The following MATK variants were observed in gnomAD, a reference collection of about 807,000 sequenced individuals.
MATK encodes the protein megakaryocyte-associated tyrosine kinase.
MATK carries 41 observed loss-of-function variants against 59.8 expected under a neutral mutation model. The ratio of observed to expected loss-of-function variants is 0.69; its 90% CI spans 0.53 to 0.89. The LOEUF is 0.89. MATK is among the 40% of genes least tolerant of loss of function. The probability of loss-of-function intolerance (pLI) is 0.00; values close to 1 mark genes in which losing one functional copy is unlikely to be tolerated. For synonymous variants in MATK, 308 were observed against 306.1 expected, an observed-to-expected ratio of 1.01 and a Z score of -0.06; for missense variants, 593 against 719.6, an observed-to-expected ratio of 0.82 and a Z score of 2.01.
rs761530293 is a variant in MATK, at chr19:3,784,330, C to T, written c.246+8G>A. ...CCCAAGCACCCACACCCGCCGGCCA[C>T]CTCTCACCTCGCAGGCCTCCAGGAT... On this transcript the variant is annotated splice_region_variant and intron_variant, in intron 4 of 13. Transcript: ENST00000310132. The T allele has an allele frequency of 2.5e-6, 4 of 1,601,328 alleles. No individual in the cohort carries two copies. Among genetic ancestry groups the T allele is most frequent in the Middle Eastern group, 1.7e-4 (1 of 6,032 alleles).
chr19:3,794,155 C>T (rs995314164), intron 1 of MATK, among the ~76,000 whole-genome samples: 5 of 152,328 alleles, frequency 3.3e-5, no homozygotes, highest in Admixed American at 6.5e-5. Context: ...ACAGTGGTCA[C>T]CCTTAGTTAC....
intron 6 of MATK, 35 bp from the exon 7 acceptor site, chr19:3,783,254 C>CA (rs1568406546): frequency 8.0e-7 from 1 of 1,253,558 alleles, no homozygotes; most frequent in African/African-American, 1.8e-5. Flanking sequence ...AGCCCAGCCC[C>CA]AGGGAGGGGA....
At chr19:3,797,968 G>A (rs1038429406) in intron 1 of MATK, among the ~76,000 whole-genome samples, 23 of 152,146 alleles carry the variant, frequency 1.5e-4, no homozygotes, top group African/African-American at 5.3e-4. Context: ...CTTGAACCTG[G>A]GAGGTGAAGT....
In MATK at chr19:3,783,851, T is replaced by TCATCGATTGTGAGGTGGC; in HGVS notation, c.527_544dup (p.Gly176_Asp181dup). On this transcript the variant is annotated inframe_insertion, in exon 6 of 14. Coordinates refer to ENST00000310132, the MANE Select transcript of MATK (RefSeq NM_139355.3). The stretch of plus-strand genomic sequence containing the variant: ...CATGAGGTTGCAGAAGAACACGGCC[T>TCATCGATTGTGAGGTGGC]CATCGATTGTGAGGTGGCCGTCGCG... 1 of 1,613,042 alleles carries TCATCGATTGTGAGGTGGC rather than the reference T, an allele frequency of 6.2e-7. No individual in the cohort carries two copies. Among genetic ancestry groups the TCATCGATTGTGAGGTGGC allele is most frequent in the South Asian group, 1.1e-5 (1 of 91,048 alleles).
In MATK at chr19:3,785,612, C is replaced by A. The variant is rs1166095539; in HGVS notation, c.-151-326G>T. On this transcript the variant is annotated intron_variant, in intron 1 of 13. Coordinates refer to ENST00000310132, the MANE Select transcript of MATK (RefSeq NM_139355.3). Reference sequence around the variant, plus strand: ...AATCCTCCAGTCCCACGTGTACTCACACGCATACGGATGCATGCACACGCA... The same window carrying A: ...AATCCTCCAGTCCCACGTGTACTCAAACGCATACGGATGCATGCACACGCA... The A allele has an allele frequency of 1.5e-5, 3 of 201,906 alleles. No homozygotes were observed. In the South Asian group the frequency reaches 2.5e-4, roughly 17 times the overall value. 12.5% of individuals were successfully genotyped at this position (201,906 alleles called of 1,614,324 possible).
chr19:3,780,391 C>A (rs959151600), intron 8 of MATK, among the ~76,000 whole-genome samples: 1 of 152,086 alleles, frequency 6.6e-6, no homozygotes, highest in African/African-American at 2.4e-5. Flanking sequence ...TTGCAAGACC[C>A]TTCAGCTCAA....
upstream of MATK, among the ~76,000 whole-genome samples, chr19:3,790,180 C>G (rs1052817045): frequency 6.6e-6 from 1 of 152,200 alleles, no homozygotes; most frequent in Non-Finnish European, 1.5e-5. Context: ...CTCTAGGGCT[C>G]TTTCAGGCCC....
chr19:3,780,562 G>T (rs188327335), intron 8 of MATK, among the ~76,000 whole-genome samples: 3,234 of 149,908 alleles, frequency 0.022, 126 homozygotes, highest in African/African-American at 0.076. Context: ...AAGTAGCTGG[G>T]ACTACAGGCG....
chr19:3,791,746 T>C (rs1266394759), intron 1 of MATK, among the ~76,000 whole-genome samples: 2 of 152,164 alleles, frequency 1.3e-5, no homozygotes, highest in Non-Finnish European at 2.9e-5. Flanking sequence ...CTGGCTGTCA[T>C]AATCTGCCTA....
intron 8 of MATK, among the ~76,000 whole-genome samples, chr19:3,780,625 G>C (rs1183630213): frequency 6.7e-6 from 1 of 148,864 alleles, no homozygotes; most frequent in Non-Finnish European, 1.5e-5. Context: ...GTAGAGATGG[G>C]GTTTCACCAT....
chr19:3,794,051 A>G (rs573635796), intron 1 of MATK, among the ~76,000 whole-genome samples: 49 of 151,854 alleles, frequency 3.2e-4, no homozygotes, highest in African/African-American at 1.2e-3. Flanking sequence ...TGCTCTTCCT[A>G]TCTCCTAGTA....
chr19:3,782,183 G>T (rs2037411760), intron 7 of MATK, among the ~76,000 whole-genome samples: 3 of 152,268 alleles, frequency 2.0e-5, no homozygotes, highest in South Asian at 2.1e-4. Context: ...GACCCATAAA[G>T]GTTCCAGAAT....
At chr19:3,781,540 T>C (rs538647910) in intron 8 of MATK, 67 bp downstream of exon 8, 1 of 1,540,056 alleles carries the variant, frequency 6.5e-7, no homozygotes, top group African/African-American at 1.4e-5. Context: ...TTCAGCTCTG[T>C]GACTCCAAAG....
chr19:3,786,317 A>G lies in MATK; in HGVS notation c.-300T>C. The stretch of plus-strand genomic sequence containing the variant: ...TTTTGGGGGCGAAGAAGGGTCGGGG[A>G]GTGGGGGAAAGCGGGAGGCGCCGCG... On this transcript the variant is annotated 5_prime_UTR_variant, in exon 1 of 14. Transcript: ENST00000310132. This position sits in a 1 kb window ranked among gnomAD's most constrained non-coding sequence, Gnocchi z 4.1. 1 of 984,400 alleles carries G rather than the reference A, an allele frequency of 1.0e-6. No individual in the cohort carries two copies. Among genetic ancestry groups the G allele is most frequent in the Non-Finnish European group, 1.2e-6 (1 of 829,638 alleles). The allele number at this position is 984,400 out of a possible 1,614,324, so 61.0% of individuals were successfully genotyped here.
At chr19:3,784,303 G>GCCCCA in intron 4 of MATK, 35 bp downstream of exon 4, 2 of 1,592,202 alleles carry the variant, frequency 1.3e-6, no homozygotes, top group Non-Finnish European at 8.6e-7. Flanking sequence ...GGAGCCCCCA[G>GCCCCA]CCCCAAGCAC....
rs777949194 is a variant in MATK, at chr19:3,784,051, G to T, written c.363-18C>A. 6.3e-7 allele frequency: 1 copy of T among 1,599,632 alleles called. No individual in the cohort carries two copies. Among genetic ancestry groups the T allele is most frequent in the East Asian group, 2.2e-5 (1 of 44,518 alleles). ...GGAACCACCTGCGGCCACGGAAGGG[G>T]TGGGTCAGACTGGGCTGTGGAGGGG... On this transcript the variant is annotated intron_variant, in intron 5 of 13. Coordinates refer to ENST00000310132, the MANE Select transcript of MATK (RefSeq NM_139355.3).
chr19:3,778,154 T>A lies in MATK; in HGVS notation c.*29A>T, dbSNP rs1470040114. 1.3e-6 allele frequency: 2 copies of A among 1,534,538 alleles called. No individual in the cohort carries two copies. The highest frequency in any genetic ancestry group is 1.7e-6 in the Non-Finnish European group (2 of 1,145,704). On this transcript the variant is annotated 3_prime_UTR_variant, in exon 14 of 14. Coordinates refer to ENST00000310132, the MANE Select transcript of MATK (RefSeq NM_139355.3). ...GCCGCACTCTCCACTCTCTCGGTCC[T>A]CTGGGGCCAAGGGCCCCACCGGGTG...
chr19:3,783,404 T>G, intron 6 of MATK, 185 bp from the exon 7 acceptor site: 1 of 623,458 alleles, frequency 1.6e-6, no homozygotes, highest in South Asian at 1.9e-5. Context: ...TGGTATCAAC[T>G]TGGGGGGTCC....
chr19:3,797,903 A>T (rs917618582), intron 1 of MATK, among the ~76,000 whole-genome samples: 2 of 152,144 alleles, frequency 1.3e-5, no homozygotes, highest in Middle Eastern at 3.4e-3. Flanking sequence ...TTAGCCGGGC[A>T]TGGTGGCTCA....
Sources: gnomAD v4.1 joint callset for allele counts (sites outside exome capture counted in the v4.1 genomes callset) on GRCh38, gnomAD v4.1.1 for gene constraint, Gnocchi (gnomAD v3.1) non-coding constraint, MANE v1.5 for transcripts, NCBI Gene and HGNC (gene_info 2026-07-23, HGNC 2026-07-21) for gene names.